KLF12: variants seen among roughly 807,000 people sequenced by gnomAD.
KLF12 encodes the protein Krueppel-like factor 12.
Under a neutral mutation model 37.8 loss-of-function variants are expected in KLF12, and 9 were observed. The ratio of observed to expected loss-of-function variants is 0.24; its 90% CI spans 0.14 to 0.42. The LOEUF (loss-of-function observed/expected upper bound fraction) is 0.42, where lower values mean the gene tolerates loss of function less well. Among genes scored for constraint, KLF12 ranks in the 10% least tolerant of loss-of-function variants. The pLI is 1.00. For missense variants in KLF12, 411 were observed against 516.0 expected (o/e 0.80, Z 1.97); for synonymous variants, 208 against 202.1 (o/e 1.03, Z -0.25).
At chr13:74,107,075 C>G (rs1441384201) in intron 1 of KLF12, among the ~76,000 whole-genome samples, 1 of 152,130 alleles carries the variant, frequency 6.6e-6, no homozygotes, top group Non-Finnish European at 1.5e-5. Context: ...CCATTCCCCA[C>G]AGATGGCGCT....
intron 6 of KLF12, among the ~76,000 whole-genome samples, chr13:73,750,403 C>T (rs966217197): frequency 2.0e-5 from 3 of 152,114 alleles, no homozygotes; most frequent in Non-Finnish European, 2.9e-5. Context: ...ATCAATATGC[C>T]TTGAACCTGC....
intron 3 of KLF12, among the ~76,000 whole-genome samples, chr13:73,899,356 G>A (rs952794443): frequency 8.5e-5 from 13 of 152,176 alleles, no homozygotes; most frequent in South Asian, 4.1e-4. Context: ...TGGAAGGAGG[G>A]GAAGTAAGTG....
chr13:73,925,724 T>C (rs1320204588), intron 3 of KLF12, among the ~76,000 whole-genome samples: 1 of 152,158 alleles, frequency 6.6e-6, no homozygotes, highest in African/African-American at 2.4e-5. Flanking sequence ...AATTGATAAC[T>C]TTCTGGCAAG....
chr13:73,888,663 G>C (rs558335139), intron 3 of KLF12, among the ~76,000 whole-genome samples: 6 of 152,284 alleles, frequency 3.9e-5, no homozygotes, highest in African/African-American at 1.4e-4. Flanking sequence ...ATCTTATTGG[G>C]ACTGTCACAA....
chr13:74,011,355 G>A (rs1892547241), intron 1 of KLF12, among the ~76,000 whole-genome samples: 1 of 152,016 alleles, frequency 6.6e-6, no homozygotes, highest in Non-Finnish European at 1.5e-5. Context: ...CTGACCACCA[G>A]GCCCATGTGT....
At chr13:74,286,452 A>C in the KLF12 span, among the ~76,000 whole-genome samples, 1 of 152,228 alleles carries the variant, frequency 6.6e-6, no homozygotes, top group East Asian at 1.9e-4. Flanking sequence ...AACAGTAAAA[A>C]GCGTATTCAG....
intron 5 of KLF12, among the ~76,000 whole-genome samples, chr13:73,812,491 A>C (rs942982105): frequency 6.6e-6 from 1 of 152,178 alleles, no homozygotes; most frequent in Non-Finnish European, 1.5e-5. Flanking sequence ...CTTTAAGTAT[A>C]TAAAGTTTAA....
chr13:73,833,838 T>C (rs1884291009), intron 4 of KLF12, among the ~76,000 whole-genome samples: 1 of 152,114 alleles, frequency 6.6e-6, no homozygotes, highest in East Asian at 1.9e-4. Flanking sequence ...TGCGGAGGCT[T>C]GCTGGTTACA....
At chr13:74,142,781 A>T in the KLF12 span, among the ~76,000 whole-genome samples, 1 of 152,206 alleles carries the variant, frequency 6.6e-6, no homozygotes, top group African/African-American at 2.4e-5. Context: ...AATCTAAAGG[A>T]ATATATACAG....
chr13:73,713,585 G>A lies in KLF12; in HGVS notation c.1027+1783C>T, dbSNP rs1013159628. On this transcript the variant is annotated intron_variant, in intron 7 of 7. Coordinates refer to ENST00000377669, the MANE Select transcript of KLF12 (RefSeq NM_007249.5). ...AAGTCCATTCTGACCCTTAGAGTCT[G>A]TGATTTCATTGTATTAATAGCCAAG... Among the ~76,000 whole-genome samples, 10 of 152,224 alleles carry A rather than the reference G, an allele frequency of 6.6e-5. No individual in the cohort carries two copies. In the East Asian group the frequency reaches 1.2e-3, roughly 18 times the overall value.
intron 5 of KLF12, chr13:73,812,940 A>G: frequency 3.8e-6 from 2 of 532,470 alleles, no homozygotes; most frequent in Non-Finnish European, 6.7e-6. Context: ...CATAGGTCTT[A>G]TATCTCATCA....
At chr13:73,995,870 T>C (rs1022824281) in intron 1 of KLF12, among the ~76,000 whole-genome samples, 1 of 152,234 alleles carries the variant, frequency 6.6e-6, no homozygotes, top group Non-Finnish European at 1.5e-5. Flanking sequence ...CAAATTTTCT[T>C]TGGCATTCAG....
intron 1 of KLF12, among the ~76,000 whole-genome samples, chr13:74,099,446 A>G (rs1187908062): frequency 6.6e-6 from 1 of 152,226 alleles, no homozygotes; most frequent in East Asian, 1.9e-4. Flanking sequence ...GCTCAGAAAC[A>G]TGAGCTATCA....
At chr13:74,167,997 T>G in the KLF12 span, among the ~76,000 whole-genome samples, 1 of 152,202 alleles carries the variant, frequency 6.6e-6, no homozygotes, top group Non-Finnish European at 1.5e-5. Flanking sequence ...ACTGGTACAT[T>G]TTTACAAGAA....
At chr13:73,845,681 T>C (rs946003140) in intron 4 of KLF12, 146 bp downstream of exon 4, 3 of 667,900 alleles carry the variant, frequency 4.5e-6, no homozygotes, top group Non-Finnish European at 7.6e-6. Flanking sequence ...TGTGTTCTAC[T>C]TAAGGCTGAA....
chr13:73,859,589 C>A (rs1173148073), intron 3 of KLF12, among the ~76,000 whole-genome samples: 1 of 152,146 alleles, frequency 6.6e-6, no homozygotes, highest in Non-Finnish European at 1.5e-5. Flanking sequence ...CCCCAATATA[C>A]CTTGCATATA....
At chr13:74,054,995 G>A (rs1230561573) in intron 1 of KLF12, among the ~76,000 whole-genome samples, 4 of 152,076 alleles carry the variant, frequency 2.6e-5, no homozygotes, top group Non-Finnish European at 4.4e-5. Flanking sequence ...TCAGAACATC[G>A]CGATGAAGAA....
At chr13:73,739,237 TTAATAATAATAATAATAA>T (rs138002893) in intron 6 of KLF12, among the ~76,000 whole-genome samples, 7 of 143,602 alleles carry the variant, frequency 4.9e-5, no homozygotes, top group South Asian at 2.3e-4. Flanking sequence ...CTGTCTCAAA[TTAATAATAATAATAATAA>T]TAATAATAAT....
the KLF12 span, among the ~76,000 whole-genome samples, chr13:74,249,095 A>G: frequency 6.6e-6 from 1 of 151,958 alleles, no homozygotes; most frequent in Non-Finnish European, 1.5e-5. Flanking sequence ...TGAGTCCAAA[A>G]CCAGTCTCTG....
Sources: allele counts gnomAD v4.1 joint callset (sites outside exome capture counted in the v4.1 genomes callset), GRCh38; gene constraint gnomAD v4.1.1; transcripts MANE v1.5; gene names NCBI Gene and HGNC (gene_info 2026-07-23, HGNC 2026-07-21).